Variants in SEC22B observed in about 807,000 individuals in gnomAD.
SEC22B encodes the protein SEC22 homolog B, vesicle trafficking protein.
SEC22B carries 10 observed loss-of-function variants against 31.4 expected under a neutral mutation model. The ratio of observed to expected loss-of-function variants is 0.32; its 90% CI spans 0.20 to 0.54. The LOEUF is 0.54. Among genes scored for constraint, SEC22B ranks in the 20% least tolerant of loss-of-function variants. SEC22B has a pLI of 0.94. For synonymous variants in SEC22B, 60 were observed against 95.9 expected, an observed-to-expected ratio of 0.63 and a Z score of 2.19; for missense variants, 130 against 263.4, an observed-to-expected ratio of 0.49 and a Z score of 3.50.
At chr1:120,161,686 G>T (rs1304310097) in intron 3 of SEC22B, among the ~76,000 whole-genome samples, 1 of 151,836 alleles carries the variant, frequency 6.6e-6, no homozygotes, top group African/African-American at 2.4e-5. Flanking sequence ...GCAATAGAGC[G>T]AGACTCTGTC....
intron 2 of SEC22B, among the ~76,000 whole-genome samples, chr1:120,167,311 A>G (rs1220479990): frequency 6.6e-6 from 1 of 151,888 alleles, no homozygotes; most frequent in Non-Finnish European, 1.5e-5. Context: ...GCAACATTCT[A>G]TCATATATTT....
At chr1:120,176,234 G>T in intron 1 of SEC22B, 73 bp downstream of exon 1, 1 of 1,442,488 alleles carries the variant, frequency 6.9e-7, no homozygotes, top group Non-Finnish European at 9.5e-7. Flanking sequence ...CCGGTCCTAG[G>T]AAGGAATCCG....
At chr1:120,168,177 G>C (rs1412328458) in intron 2 of SEC22B, among the ~76,000 whole-genome samples, 1 of 151,880 alleles carries the variant, frequency 6.6e-6, no homozygotes, top group African/African-American at 2.4e-5. Context: ...TGATGCTCTT[G>C]TACTCTTTTC....
Position 120,176,479 on chromosome 1 carries a change from A to G in SEC22B, c.-98T>C. The G allele has an allele frequency of 9.2e-7, 1 of 1,088,462 alleles. No individual in the cohort carries two copies. Among genetic ancestry groups the G allele is most frequent in the Non-Finnish European group, 1.4e-6 (1 of 737,442 alleles). 67.4% of individuals were successfully genotyped at this position (1,088,462 alleles called of 1,614,324 possible). On this transcript the variant is annotated 5_prime_UTR_variant, in exon 1 of 5. Transcript: ENST00000578049. ...AACAGTTATACCCTATGTCTCAGTT[A>G]CCGGAGATCCAGCTGCTTGCGTCTC...
rs1393452227 is a variant in SEC22B, at chr1:120,163,951, T to C, written c.186-581A>G. Among the ~76,000 whole-genome samples the C allele has an allele frequency of 1.7e-4, 23 of 136,990 alleles. No homozygotes were observed. In the East Asian group the frequency reaches 4.4e-3, roughly 26 times the overall value. The allele number at this position is 136,990 out of a possible 152,430, so 89.9% of individuals were successfully genotyped here. On this transcript the variant is annotated intron_variant, in intron 2 of 4. Transcript: ENST00000578049. ...TTTTCATCCATTAGATTCTCTTTTT[T>C]TTTTTTTTTTTTTTTTTTGGAGACA...
rs1314474835 is a variant in SEC22B at position 120,151,233 on chromosome 1, A to G, written c.*5805T>C. On this transcript the variant is annotated 3_prime_UTR_variant, in exon 5 of 5. Coordinates refer to ENST00000578049, the MANE Select transcript of SEC22B (RefSeq NM_004892.6). ...AGGTAAAATGTTTGACTGGTTAGAG[A>G]CGCTAGATTATTTTGTGTGGCTAAG... is the stretch of plus-strand genomic sequence containing the variant. 6.6e-6 allele frequency: 1 copy of G among 152,270 alleles called. No homozygotes were observed. Among genetic ancestry groups the G allele is most frequent in the Admixed American group, 6.5e-5 (1 of 15,294 alleles). 9.4% of individuals were successfully genotyped at this position (152,270 alleles called of 1,614,324 possible). A position where few individuals can be genotyped will look rare whatever the true frequency, so the allele number is the denominator to read the frequency against.
chr1:120,167,407 G>A (rs1248218036), intron 2 of SEC22B, among the ~76,000 whole-genome samples: 5 of 151,710 alleles, frequency 3.3e-5, no homozygotes, highest in African/African-American at 7.3e-5. Context: ...TTTTCTAACC[G>A]TTAATGCTCT....
chr1:120,167,809 C>G (rs1220656800), intron 2 of SEC22B, among the ~76,000 whole-genome samples: 2 of 152,156 alleles, frequency 1.3e-5, no homozygotes, highest in African/African-American at 4.8e-5. Flanking sequence ...AAGAAAATCT[C>G]TTCTCAATTC....
intron 1 of SEC22B, among the ~76,000 whole-genome samples, chr1:120,169,175 C>T (rs1212816795): frequency 4.6e-5 from 7 of 152,206 alleles, no homozygotes; most frequent in Admixed American, 3.3e-4. Context: ...AAAGCATATA[C>T]CTCAAATACA....
chr1:120,171,182 C>T lies in SEC22B; in HGVS notation c.76-2233G>A, dbSNP rs1466011942. Among the ~76,000 whole-genome samples the T allele has an allele frequency of 7.9e-4, 104 of 131,052 alleles. 27 individuals are homozygous for T. The highest frequency in any genetic ancestry group is 3.8e-3 in the African/African-American group (96 of 25,328). The allele number at this position is 131,052 out of a possible 152,430, so 86.0% of individuals were successfully genotyped here. A position where few individuals can be genotyped will look rare whatever the true frequency, so the allele number is the denominator to read the frequency against. On this transcript the variant is annotated intron_variant, in intron 1 of 4. Coordinates refer to ENST00000578049, the MANE Select transcript of SEC22B (RefSeq NM_004892.6). ...CATCTCGGAGGTGGGGCTGTGATATCGGTATTTTTTACATAACTGCAACCA... is the reference window on the plus strand; with the variant it reads ...CATCTCGGAGGTGGGGCTGTGATATTGGTATTTTTTACATAACTGCAACCA...
chr1:120,151,295 T>A lies in SEC22B; in HGVS notation c.*5743A>T, dbSNP rs1361828793. On this transcript the variant is annotated 3_prime_UTR_variant, in exon 5 of 5. Coordinates refer to ENST00000578049, the MANE Select transcript of SEC22B (RefSeq NM_004892.6). The stretch of plus-strand genomic sequence containing the variant: ...CTGGTGGGGAGTGGCAGGAGGTAAG[T>A]CTAGAATGGCACAATGGGGCCAGAC... 1 of 152,050 alleles carries A rather than the reference T, an allele frequency of 6.6e-6. No individual in the cohort carries two copies. Among genetic ancestry groups the A allele is most frequent in the Non-Finnish European group, 1.5e-5 (1 of 68,008 alleles). The allele number at this position is 152,050 out of a possible 1,614,324, so 9.4% of individuals were successfully genotyped here.
At chr1:120,166,396 TACAC>T (rs1268229455) in intron 2 of SEC22B, among the ~76,000 whole-genome samples, 210 of 143,592 alleles carry the variant, frequency 1.5e-3, no homozygotes, top group Middle Eastern at 3.6e-3. Flanking sequence ...AAGTGTTTTT[TACAC>T]ACACACACAC....
chr1:120,168,049 ATTTTTG>A (rs1380066979), intron 2 of SEC22B, among the ~76,000 whole-genome samples: 2 of 149,164 alleles, frequency 1.3e-5, no homozygotes, highest in African/African-American at 5.1e-5. Context: ...TAGGTAGAGA[ATTTTTG>A]TTTTGTTTTT....
At position 120,170,727 on chromosome 1, in the gene SEC22B, ATAAT is replaced by A. The variant is rs1240832016; in HGVS notation, c.76-1782_76-1779del. Among the ~76,000 whole-genome samples, 4 of 146,402 alleles carry A rather than the reference ATAAT, an allele frequency of 2.7e-5. No homozygotes were observed. The East Asian group carries it at 7.9e-4, about 29-fold the overall frequency. On this transcript the variant is annotated intron_variant, in intron 1 of 4. Transcript: ENST00000578049. The stretch of plus-strand genomic sequence containing the variant: ...TTTATATATTAAACAGTACTTTATA[ATAAT>A]TATATCAAAATTATCATATTAAACA...
At chr1:120,160,848 C>T (rs1657704015) in intron 3 of SEC22B, among the ~76,000 whole-genome samples, 1 of 151,774 alleles carries the variant, frequency 6.6e-6, no homozygotes, top group Non-Finnish European at 1.5e-5. Flanking sequence ...GAGATCACAC[C>T]ACCACCACAC....
At chr1:120,169,352 T>A (rs1657859274) in intron 1 of SEC22B, among the ~76,000 whole-genome samples, 2 of 151,900 alleles carry the variant, frequency 1.3e-5, no homozygotes, top group African/African-American at 2.4e-5. Context: ...TATGTTGGAA[T>A]ATCCAGCAGA....
chr1:120,165,721 G>A (rs1337778745), intron 2 of SEC22B, among the ~76,000 whole-genome samples: 95 of 152,158 alleles, frequency 6.2e-4, no homozygotes, highest in African/African-American at 2.2e-3. Context: ...TTTCTTTTCT[G>A]TTGCCTGTGC....
rs1299973837 is a variant in SEC22B, at chr1:120,154,160, A to C, written c.*2878T>G. The stretch of plus-strand genomic sequence containing the variant: ...GGAATTACTTCTGCCTGTATGATTA[A>C]GTTCCTCATTGTTAAATTCGAAAAT... On this transcript the variant is annotated 3_prime_UTR_variant, in exon 5 of 5. Transcript: ENST00000578049. 6.6e-6 allele frequency: 1 copy of C among 151,960 alleles called. No individual in the cohort carries two copies. The highest frequency in any genetic ancestry group is 2.4e-5 in the African/African-American group (1 of 41,400). The allele number at this position is 151,960 out of a possible 1,614,324, so 9.4% of individuals were successfully genotyped here. A position where few individuals can be genotyped will look rare whatever the true frequency, so the allele number is the denominator to read the frequency against.
chr1:120,164,102 G>A (rs2101129239), intron 2 of SEC22B, among the ~76,000 whole-genome samples: 1 of 150,082 alleles, frequency 6.7e-6, no homozygotes, highest in South Asian at 2.1e-4. Flanking sequence ...TGGGATTACA[G>A]ACACCCACCA....
Sources: gnomAD v4.1 joint callset for allele counts (sites outside exome capture counted in the v4.1 genomes callset) on GRCh38, gnomAD v4.1.1 for gene constraint, MANE v1.5 for transcripts, NCBI Gene and HGNC (gene_info 2026-07-23, HGNC 2026-07-21) for gene names.